The following LRP4 variants were observed in gnomAD, a reference collection of about 807,000 sequenced individuals.
LRP4 encodes the protein low-density lipoprotein receptor-related protein 4.
LRP4 carries 95 observed loss-of-function variants against 220.3 expected under a neutral mutation model. The ratio of observed to expected loss-of-function variants is 0.43; its 90% CI spans 0.37 to 0.51. The LOEUF is 0.51. Ranked by LOEUF, LRP4 falls within the 20% of genes least tolerant of loss-of-function variation. The pLI is 0.00. For synonymous variants in LRP4, 903 were observed against 954.6 expected (o/e 0.95, Z 1.00); for missense variants, 1,925 against 2,567.0 (o/e 0.75, Z 5.40).
chr11:46,890,293 C>T lies in LRP4; in HGVS notation c.1899G>A (p.Lys633=). ...GGGGCTCACCCTGGCTAATGACAGCCTTACGGTGACTCCCATCCAGATTGG... is the reference window on the plus strand; with the variant it reads ...GGGGCTCACCCTGGCTAATGACAGCTTTACGGTGACTCCCATCCAGATTGG... ...ERANLDGSHR[K]AVISQGLPHP... The change falls in exon 14 of 38, where the codon AAG becomes AAA. Residue 633 remains lysine, a synonymous_variant. Coordinates refer to ENST00000378623, the MANE Select transcript of LRP4 (RefSeq NM_002334.4). This position sits in a 1 kb window ranked among gnomAD's most constrained non-coding sequence, Gnocchi z 5.3. 1.2e-6 allele frequency: 2 copies of T among 1,614,150 alleles called. No homozygotes were observed. The highest frequency in any genetic ancestry group is 1.7e-6 in the Non-Finnish European group (2 of 1,180,024).
At position 46,899,138 on chromosome 11, in the gene LRP4, CAAG is replaced by C; in HGVS notation, c.548-109_548-107del. On this transcript the variant is annotated intron_variant, in intron 5 of 37. Coordinates refer to ENST00000378623, the MANE Select transcript of LRP4 (RefSeq NM_002334.4). This position sits in a 1 kb window ranked among gnomAD's most constrained non-coding sequence, Gnocchi z 5.9. ...GGATGCTCAGGCAGGAGAGCTTCTT[CAAG>C]TGAGATGTAACCAGGTTTCATCTGG... 8.8e-7 allele frequency: 1 copy of C among 1,138,888 alleles called. No individual in the cohort carries two copies. The highest frequency in any genetic ancestry group is 1.4e-5 in the South Asian group (1 of 72,272). The allele number at this position is 1,138,888 out of a possible 1,614,324, so 70.5% of individuals were successfully genotyped here. A position where few individuals can be genotyped will look rare whatever the true frequency, so the allele number is the denominator to read the frequency against.
Position 46,859,129 on chromosome 11 carries a change from C to T in LRP4, c.5572G>A (p.Asp1858Asn), listed in dbSNP as rs752556259. The T allele has an allele frequency of 1.9e-6, 3 of 1,614,080 alleles. No homozygotes were observed. The highest frequency in any genetic ancestry group is 1.7e-6 in the Non-Finnish European group (2 of 1,180,034). The part of the protein sequence containing the change: ...VSIQASSGSL[D>N]DTETEQLLQE... The stretch of plus-strand genomic sequence containing the variant: ...AACAGCTGCTCCGTCTCTGTGTCAT[C>T]CAGGGAGCCAGAGCTGGCCTGGATG... Residue 1858 changes from aspartate to asparagine, a missense_variant, in exon 38 of 38, where the codon GAT becomes AAT. By Grantham distance (23) the Asp-to-Asn change is conservative (BLOSUM62 1). Around this residue, in one of 3 missense-constraint regions of LRP4, gnomAD observed 1,244 missense variants for 1,624.9 expected, o/e 0.77. Coordinates refer to ENST00000378623, the MANE Select transcript of LRP4 (RefSeq NM_002334.4).
At chr11:46,884,419 T>A (rs1329109668) in intron 18 of LRP4, among the ~76,000 whole-genome samples, 1 of 151,944 alleles carries the variant, frequency 6.6e-6, no homozygotes, top group Non-Finnish European at 1.5e-5. Context: ...CTGACCAACA[T>A]GGTAAAACCC....
At position 46,894,620 on chromosome 11, in the gene LRP4, C is replaced by T. The variant is rs767858860; in HGVS notation, c.1509G>A (p.Glu503=). Reference sequence around the variant, plus strand: ...TCTCCAGCCCAGTAGACACAACCTCCTCCACGTTGCTGCCGTTGAGGTTGG... The same window carrying T: ...TCTCCAGCCCAGTAGACACAACCTCTTCCACGTTGCTGCCGTTGAGGTTGG... ...LRANLNGSNV[E]EVVSTGLESP... Residue 503 remains glutamate, a synonymous_variant, in exon 12 of 38, where the codon GAG becomes GAA. Coordinates refer to ENST00000378623, the MANE Select transcript of LRP4 (RefSeq NM_002334.4). 1.2e-6 allele frequency: 2 copies of T among 1,612,360 alleles called. No homozygotes were observed. Among genetic ancestry groups the T allele is most frequent in the East Asian group, 2.2e-5 (1 of 44,846 alleles).
At position 46,899,069 on chromosome 11, in the gene LRP4, C is replaced by T. The variant is rs111359905; in HGVS notation, c.548-37G>A. 41 of 1,598,368 alleles carry T rather than the reference C, an allele frequency of 2.6e-5. No individual in the cohort carries two copies. Among genetic ancestry groups the T allele is most frequent in the Middle Eastern group, 3.4e-4 (2 of 5,926 alleles). On this transcript the variant is annotated intron_variant, in intron 5 of 37. Transcript: ENST00000378623. The surrounding 1 kb of genome is among the most constrained non-coding windows in gnomAD (Gnocchi z 5.9). ...GCAGGGGTGGGGAGGGGCACACACT[C>T]AGGCCTGGATGAAGGAGAGGGGCCC...
In LRP4 at chr11:46,894,637, T is replaced by C; in HGVS notation, c.1492A>G (p.Asn498Asp). The C allele has an allele frequency of 6.2e-7, 1 of 1,613,940 alleles. No homozygotes were observed. The highest frequency in any genetic ancestry group is 1.3e-5 in the African/African-American group (1 of 75,042). Residue 498 changes from asparagine to aspartate, a missense_variant, in exon 12 of 38, where the codon AAC (asparagine) becomes GAC (aspartate). Coordinates refer to ENST00000378623, the MANE Select transcript of LRP4 (RefSeq NM_002334.4). ...ACAACCTCCTCCACGTTGCTGCCGT[T>C]GAGGTTGGCACGGAGGATCCGGTCC... ...TLDRILRANLNGSNVEEVVST... is the reference protein window; with the variant it reads ...TLDRILRANLDGSNVEEVVST...
chr11:46,905,516 G>A (rs1220686893), intron 1 of LRP4, among the ~76,000 whole-genome samples: 1 of 152,168 alleles, frequency 6.6e-6, no homozygotes, highest in African/African-American at 2.4e-5. Flanking sequence ...GGTGCTTACC[G>A]ACATCTGGTG....
At chr11:46,898,438 G>T in intron 7 of LRP4, 120 bp downstream of exon 7, 1 of 1,348,330 alleles carries the variant, frequency 7.4e-7, no homozygotes, top group Non-Finnish European at 1.1e-6. Context: ...CACCCACCTT[G>T]GTCTCCCAAA....
rs1394229617 is a variant in LRP4 at position 46,890,830 on chromosome 11, G to A, written c.1698-336C>T. ...GCTGGTCTCAAACTCCTGAGCTCAAGCAATCCTCCTGCTTTGTCCTTTCAA... is the reference window on the plus strand; with the variant it reads ...GCTGGTCTCAAACTCCTGAGCTCAAACAATCCTCCTGCTTTGTCCTTTCAA... On this transcript the variant is annotated intron_variant, in intron 13 of 37. Transcript: ENST00000378623. This position sits in a 1 kb window ranked among gnomAD's most constrained non-coding sequence, Gnocchi z 5.3. 6.6e-6 allele frequency among the ~76,000 whole-genome samples: 1 copy of A among 152,122 alleles called. No individual in the cohort carries two copies. The highest frequency in any genetic ancestry group is 1.5e-5 in the Non-Finnish European group (1 of 68,030).
chr11:46,895,871 G>A lies in LRP4; in HGVS notation c.1183+13C>T, dbSNP rs1469584120. The stretch of plus-strand genomic sequence containing the variant: ...AGAACCCCGACTCTGCTGCAAACCA[G>A]GCCCCAGCTCACCTTGGCACGTGTG... On this transcript the variant is annotated intron_variant, in intron 10 of 37. Transcript: ENST00000378623. The A allele has an allele frequency of 6.2e-7, 1 of 1,611,226 alleles. No individual in the cohort carries two copies. The highest frequency in any genetic ancestry group is 1.1e-5 in the South Asian group (1 of 91,072).
chr11:46,911,808 G>T (rs2134886321), intron 1 of LRP4, among the ~76,000 whole-genome samples: 1 of 150,300 alleles, frequency 6.7e-6, no homozygotes, highest in South Asian at 2.1e-4. Context: ...AAACTGCTCT[G>T]AGCCTGTTTC....
chr11:46,898,502 G>T, intron 7 of LRP4, 56 bp downstream of exon 7: 1 of 1,611,872 alleles, frequency 6.2e-7, no homozygotes, highest in Non-Finnish European at 8.5e-7. Flanking sequence ...GGCCTCTTTG[G>T]CTCCACAAGC....
chr11:46,889,262 C>G, intron 16 of LRP4, 149 bp downstream of exon 16: 1 of 1,060,836 alleles, frequency 9.4e-7, no homozygotes, highest in Non-Finnish European at 1.4e-6. Flanking sequence ...GATAGAAGAT[C>G]CCTCAGCCTC....
intron 37 of LRP4, among the ~76,000 whole-genome samples, chr11:46,861,348 G>T (rs1194972000): frequency 6.6e-6 from 1 of 152,048 alleles, no homozygotes; most frequent in Non-Finnish European, 1.5e-5. Context: ...AGCCCTGCAG[G>T]TGTGAGAGCA....
intron 13 of LRP4, among the ~76,000 whole-genome samples, chr11:46,891,206 T>C (rs1478326380): frequency 6.6e-6 from 1 of 152,062 alleles, no homozygotes; most frequent in East Asian, 1.9e-4. Flanking sequence ...CTCCACCTCC[T>C]GGACCCAAGT....
At chr11:46,903,685 G>C (rs1260288625) in intron 1 of LRP4, among the ~76,000 whole-genome samples, 1 of 152,176 alleles carries the variant, frequency 6.6e-6, no homozygotes, top group Non-Finnish European at 1.5e-5. Flanking sequence ...GTTGGCCAGG[G>C]AGGGCAAGAA....
At position 46,894,935 on chromosome 11, in the gene LRP4, C is replaced by G. The variant is rs957943931; in HGVS notation, c.1310-116G>C. The G allele has an allele frequency of 1.1e-5, 11 of 1,046,008 alleles. No individual in the cohort carries two copies. The Admixed American group carries it at 1.7e-4, about 16-fold the overall frequency. The allele number at this position is 1,046,008 out of a possible 1,614,324, so 64.8% of individuals were successfully genotyped here. On this transcript the variant is annotated intron_variant, in intron 11 of 37. Coordinates refer to ENST00000378623, the MANE Select transcript of LRP4 (RefSeq NM_002334.4). ...CTTGCTCACAAGGACATGCCCCAAG[C>G]TGTCAGCATCAGTACCAGAAGAGTG...
chr11:46,896,806 TC>T (rs1941541759), intron 8 of LRP4, 62 bp downstream of exon 8: 7 of 1,611,840 alleles, frequency 4.3e-6, no homozygotes, highest in Non-Finnish European at 5.1e-6. Context: ...CAAAGCACCC[TC>T]TTTTCCACCC....
chr11:46,886,471 C>T lies in LRP4; in HGVS notation c.2278G>A (p.Glu760Lys). ...MDIRRISFDT[E>K]DLSDDVIPLA... ...GGGATGACATCATCAGACAGGTCCTCTGTGTCAAAGCTGATTCGACGGATG... is the reference window on the plus strand; with the variant it reads ...GGGATGACATCATCAGACAGGTCCTTTGTGTCAAAGCTGATTCGACGGATG... The change falls in exon 17 of 38, where the codon GAG becomes AAG. Residue 760 changes from glutamate to lysine, a missense_variant. Around this residue, in one of 3 missense-constraint regions of LRP4, gnomAD observed 1,244 missense variants for 1,624.9 expected, o/e 0.77. Coordinates refer to ENST00000378623, the MANE Select transcript of LRP4 (RefSeq NM_002334.4). 6.2e-7 allele frequency: 1 copy of T among 1,614,164 alleles called. No individual in the cohort carries two copies. Among genetic ancestry groups the T allele is most frequent in the Non-Finnish European group, 8.5e-7 (1 of 1,180,032 alleles).
Sources: allele counts gnomAD v4.1 joint callset (sites outside exome capture counted in the v4.1 genomes callset), GRCh38; gene constraint gnomAD v4.1.1; regional missense constraint gnomAD v4.1.1; non-coding constraint Gnocchi (gnomAD v3.1); transcripts MANE v1.5; gene names NCBI Gene and HGNC (gene_info 2026-07-23, HGNC 2026-07-21).